Variants in STAG1 observed in about 807,000 individuals in gnomAD.
The protein encoded by STAG1 is cohesin subunit SA-1.
In STAG1, 26 loss-of-function variants were observed where a neutral mutation model predicts 170.9. That is an observed-to-expected ratio of 0.15 (90% CI 0.11 to 0.21). The LOEUF (loss-of-function observed/expected upper bound fraction) is 0.21. STAG1 is among the 10% of genes least tolerant of loss of function. The pLI is 1.00. For synonymous variants in STAG1, 514 were observed against 497.7 expected (o/e 1.03, Z -0.44); for missense variants, 964 against 1,509.5 (o/e 0.64, Z 5.99).
intron 6 of STAG1, among the ~76,000 whole-genome samples, chr3:136,521,925 C>T (rs1403448553): frequency 6.6e-6 from 1 of 152,124 alleles, no homozygotes; most frequent in East Asian, 1.9e-4. Context: ...ACCAAATTTC[C>T]TCAAATTTTA....
intron 9 of STAG1, among the ~76,000 whole-genome samples, chr3:136,485,920 A>G (rs1028422091): frequency 6.6e-6 from 1 of 152,178 alleles, no homozygotes; most frequent in African/African-American, 2.4e-5. Context: ...CATAAATGGA[A>G]ATTTAAGTTG....
intron 21 of STAG1, among the ~76,000 whole-genome samples, chr3:136,411,012 A>G (rs2087609960): frequency 6.6e-6 from 1 of 152,236 alleles, no homozygotes; most frequent in Admixed American, 6.5e-5. Context: ...CTGAGATTGC[A>G]TCACTGCACT....
chr3:136,485,031 C>G (rs527557451), intron 9 of STAG1, among the ~76,000 whole-genome samples: 4 of 152,192 alleles, frequency 2.6e-5, no homozygotes, highest in African/African-American at 7.2e-5. Context: ...AGAAATCACC[C>G]GTCTTCTGCG....
At chr3:136,742,598 C>G (rs932515365) in intron 1 of STAG1, among the ~76,000 whole-genome samples, 2 of 151,598 alleles carry the variant, frequency 1.3e-5, no homozygotes, top group African/African-American at 4.8e-5. Flanking sequence ...GCCTGTAATC[C>G]CAGCTACTGT....
intron 12 of STAG1, among the ~76,000 whole-genome samples, chr3:136,471,041 A>C (rs113552066): frequency 3.3e-5 from 5 of 151,736 alleles, no homozygotes; most frequent in Admixed American, 3.3e-4. Context: ...CGAGTTAGTG[A>C]GTGCAGCACA....
chr3:136,648,574 C>G (rs1474070369), intron 1 of STAG1, among the ~76,000 whole-genome samples: 12 of 152,132 alleles, frequency 7.9e-5, no homozygotes, highest in Admixed American at 5.9e-4. Flanking sequence ...AAACAAGAAC[C>G]TAAGTAAAAT....
At chr3:136,478,770 A>G (rs1252105411) in intron 9 of STAG1, among the ~76,000 whole-genome samples, 2 of 152,086 alleles carry the variant, frequency 1.3e-5, no homozygotes, top group Non-Finnish European at 2.9e-5. Flanking sequence ...GTTTTCCTAC[A>G]TTTTTTGATA....
intron 23 of STAG1, among the ~76,000 whole-genome samples, chr3:136,373,484 T>C (rs1937459354): frequency 6.6e-6 from 1 of 152,154 alleles, no homozygotes; most frequent in Admixed American, 6.5e-5. Context: ...TTGTGGGCAT[T>C]TAGGGCTATA....
chr3:136,346,990 T>C (rs1936247673), intron 29 of STAG1, among the ~76,000 whole-genome samples: 1 of 150,720 alleles, frequency 6.6e-6, no homozygotes, highest in African/African-American at 2.4e-5. Context: ...TCCCAGCTAC[T>C]TGGGGGCTGA....
intron 4 of STAG1, among the ~76,000 whole-genome samples, chr3:136,588,786 G>T (rs1248693143): frequency 1.3e-5 from 2 of 151,554 alleles, no homozygotes; most frequent in South Asian, 4.2e-4. Flanking sequence ...TTTGTGAGAT[G>T]GGAGTCTCGC....
At chr3:136,615,178 C>T (rs971781049) in intron 3 of STAG1, among the ~76,000 whole-genome samples, 1 of 151,630 alleles carries the variant, frequency 6.6e-6, no homozygotes, top group East Asian at 1.9e-4. Flanking sequence ...ATTTAGAAAA[C>T]AAGGGTTCCA....
intron 29 of STAG1, among the ~76,000 whole-genome samples, chr3:136,344,660 C>T (rs543749715): frequency 6.6e-6 from 1 of 152,088 alleles, no homozygotes; most frequent in Non-Finnish European, 1.5e-5. Flanking sequence ...GTCGCCCGGG[C>T]TGGAGTGCAG....
intron 5 of STAG1, among the ~76,000 whole-genome samples, chr3:136,549,074 C>T (rs931277793): frequency 1.3e-5 from 2 of 152,120 alleles, no homozygotes; most frequent in African/African-American, 2.4e-5. Context: ...ATAAATTACT[C>T]GGTCTCAGAT....
At chr3:136,701,814 A>T (rs1050448502) in intron 1 of STAG1, among the ~76,000 whole-genome samples, 1 of 152,200 alleles carries the variant, frequency 6.6e-6, no homozygotes, top group Non-Finnish European at 1.5e-5. Context: ...GAAAATTGTT[A>T]TCACAAAATT....
At chr3:136,692,932 G>A (rs1004498829) in intron 1 of STAG1, among the ~76,000 whole-genome samples, 41 of 152,184 alleles carry the variant, frequency 2.7e-4, no homozygotes, top group Admixed American at 2.5e-3. Flanking sequence ...GGCCCATAAA[G>A]AGACAGATGT....
intron 28 of STAG1, 150 bp from the exon 29 acceptor site, chr3:136,349,513 G>A: frequency 3.1e-6 from 2 of 639,676 alleles, no homozygotes; most frequent in Admixed American, 2.8e-5. Flanking sequence ...TTTGGAAAGA[G>A]AGGGACTGAG....
intron 2 of STAG1, among the ~76,000 whole-genome samples, chr3:136,628,120 CTG>C (rs529053397): frequency 6.2e-4 from 95 of 152,236 alleles, no homozygotes; most frequent in African/African-American, 2.2e-3. Flanking sequence ...TTCCTCTATG[CTG>C]TTGTTGTGAT....
intron 2 of STAG1, among the ~76,000 whole-genome samples, chr3:136,629,804 G>T (rs886201161): frequency 6.6e-6 from 1 of 152,136 alleles, no homozygotes; most frequent in Non-Finnish European, 1.5e-5. Context: ...TTGTTATACA[G>T]AATCAAAGTA....
At chr3:136,574,154 T>C (rs938950397) in intron 4 of STAG1, among the ~76,000 whole-genome samples, 2 of 151,938 alleles carry the variant, frequency 1.3e-5, no homozygotes, top group East Asian at 1.9e-4. Flanking sequence ...GGCAGGAGAA[T>C]TGGTTGAACC....
Sources: allele counts gnomAD v4.1 joint callset (sites outside exome capture counted in the v4.1 genomes callset), GRCh38; gene constraint gnomAD v4.1.1; transcripts MANE v1.5; gene names NCBI Gene and HGNC (gene_info 2026-07-23, HGNC 2026-07-21).